Variants in SCAPER observed in about 807,000 individuals in gnomAD.
The protein encoded by SCAPER is S phase cyclin A-associated protein in the endoplasmic reticulum.
SCAPER carries 98 observed loss-of-function variants against 182.2 expected under a neutral mutation model. The ratio of observed to expected loss-of-function variants is 0.54; its 90% CI spans 0.46 to 0.64. SCAPER has a LOEUF of 0.64. Among genes scored for constraint, SCAPER ranks in the 30% least tolerant of loss-of-function variants. SCAPER has a pLI of 0.00. For synonymous variants in SCAPER, 605 were observed against 564.6 expected (o/e 1.07, Z -1.01); for missense variants, 1,432 against 1,690.0 (o/e 0.85, Z 2.68).
At chr15:76,684,927 T>A (rs2057941768) in intron 20 of SCAPER, among the ~76,000 whole-genome samples, 1 of 151,842 alleles carries the variant, frequency 6.6e-6, no homozygotes, top group African/African-American at 2.4e-5. Context: ...ATAATCCTGA[T>A]AACCAAAGAT....
At chr15:76,683,088 A>G (rs1425714156) in intron 20 of SCAPER, among the ~76,000 whole-genome samples, 2 of 152,200 alleles carry the variant, frequency 1.3e-5, no homozygotes, top group Non-Finnish European at 2.9e-5. Context: ...AGAATTCAGA[A>G]TATGGATAGG....
intron 24 of SCAPER, among the ~76,000 whole-genome samples, chr15:76,478,180 T>C (rs2050812375): frequency 6.6e-6 from 1 of 151,812 alleles, no homozygotes. Flanking sequence ...TTATTTTTCT[T>C]CAAAATAAAG....
intron 21 of SCAPER, among the ~76,000 whole-genome samples, chr15:76,655,228 A>T (rs984059957): frequency 6.6e-6 from 1 of 152,218 alleles, no homozygotes; most frequent in Non-Finnish European, 1.5e-5. Context: ...ACAGGCAAAA[A>T]ACTCACTTTG....
At chr15:76,828,098 G>A (rs1431404854) in intron 5 of SCAPER, among the ~76,000 whole-genome samples, 1 of 152,148 alleles carries the variant, frequency 6.6e-6, no homozygotes, top group East Asian at 1.9e-4. Flanking sequence ...ACCATGTGAT[G>A]TCCTATGTTG....
At chr15:76,644,438 CTAACATGA>C (rs1370233798) in intron 21 of SCAPER, among the ~76,000 whole-genome samples, 1 of 151,976 alleles carries the variant, frequency 6.6e-6, no homozygotes, top group African/African-American at 2.4e-5. Flanking sequence ...CTTTTCATTT[CTAACATGA>C]TAAATGTTAA....
intron 17 of SCAPER, among the ~76,000 whole-genome samples, chr15:76,721,211 G>A (rs1296543889): frequency 1.3e-5 from 2 of 152,094 alleles, no homozygotes; most frequent in Non-Finnish European, 2.9e-5. Flanking sequence ...CTTTTTCTCA[G>A]GTTTGTCAAA....
At chr15:76,520,350 TG>T (rs763595642) in intron 23 of SCAPER, among the ~76,000 whole-genome samples, 18 of 152,182 alleles carry the variant, frequency 1.2e-4, no homozygotes, top group Non-Finnish European at 1.9e-4. Flanking sequence ...TTCGAGTAGC[TG>T]GGACTACAGG....
At chr15:76,808,350 T>A (rs1315263425) in intron 5 of SCAPER, among the ~76,000 whole-genome samples, 1 of 152,168 alleles carries the variant, frequency 6.6e-6, no homozygotes, top group Non-Finnish European at 1.5e-5. Flanking sequence ...AAACTAGGTT[T>A]GCAGATTTTC....
In SCAPER at chr15:76,413,156, C is replaced by T. The variant is rs147791005; in HGVS notation, c.3312-8477G>A. On this transcript the variant is annotated intron_variant, in intron 26 of 31. Coordinates refer to ENST00000563290, the MANE Select transcript of SCAPER (RefSeq NM_020843.4). Reference sequence around the variant, plus strand: ...TTGGTAGATTACATAGTTTTCTATACGTGCAATCATGAGACTGCAAATAAT... The same window carrying T: ...TTGGTAGATTACATAGTTTTCTATATGTGCAATCATGAGACTGCAAATAAT... Among the ~76,000 whole-genome samples the T allele has an allele frequency of 3.4e-3, 510 of 152,156 alleles. 6 individuals are homozygous for T. Among genetic ancestry groups the T allele is most frequent in the African/African-American group, 0.012 (480 of 41,514 alleles).
At chr15:76,722,935 C>A (rs987514255) in intron 17 of SCAPER, among the ~76,000 whole-genome samples, 3 of 151,938 alleles carry the variant, frequency 2.0e-5, no homozygotes, top group African/African-American at 7.3e-5. Context: ...TCCTTCAGTT[C>A]TGCTCTGATC....
chr15:76,578,357 A>G lies in SCAPER; in HGVS notation c.2712-4073T>C, dbSNP rs147153169. Among the ~76,000 whole-genome samples the G allele has an allele frequency of 3.6e-3, 547 of 152,278 alleles. 6 individuals are homozygous for G. Among genetic ancestry groups the G allele is most frequent in the Admixed American group, 0.016 (246 of 15,308 alleles). On this transcript the variant is annotated intron_variant, in intron 22 of 31. Transcript: ENST00000563290. ...CTGAGCCCTAGGGGGACTTGAGCAA[A>G]CAAAGGTGGTAGCCAGGCAGTGGTT...
intron 5 of SCAPER, among the ~76,000 whole-genome samples, chr15:76,833,621 T>C (rs1325275245): frequency 2.6e-5 from 4 of 152,026 alleles, no homozygotes; most frequent in Non-Finnish European, 5.9e-5. Context: ...AAAAGACGCA[T>C]CTCACATGCA....
chr15:76,827,601 C>T (rs1386207546), intron 5 of SCAPER, among the ~76,000 whole-genome samples: 2 of 151,706 alleles, frequency 1.3e-5, no homozygotes, highest in Admixed American at 6.6e-5. Flanking sequence ...AACACTTCAT[C>T]GGAGAGTAAT....
intron 23 of SCAPER, among the ~76,000 whole-genome samples, chr15:76,556,292 C>T (rs984367326): frequency 5.3e-5 from 8 of 152,080 alleles, no homozygotes; most frequent in Admixed American, 3.9e-4. Context: ...AAGTTTATAG[C>T]GTTAACCTAC....
At chr15:76,431,338 T>A (rs1252764655) in intron 26 of SCAPER, among the ~76,000 whole-genome samples, 2 of 152,194 alleles carry the variant, frequency 1.3e-5, no homozygotes, top group Non-Finnish European at 2.9e-5. Flanking sequence ...TGGGTGGCCA[T>A]ACTTTGAATT....
At chr15:76,784,992 A>G (rs1474333313) in intron 8 of SCAPER, among the ~76,000 whole-genome samples, 38 of 152,218 alleles carry the variant, frequency 2.5e-4, no homozygotes, top group Admixed American at 2.5e-3. Flanking sequence ...TGACTAAAAC[A>G]CCAAAAGCAA....
At chr15:76,505,608 G>C (rs962789991) in intron 23 of SCAPER, among the ~76,000 whole-genome samples, 5 of 152,140 alleles carry the variant, frequency 3.3e-5, no homozygotes, top group African/African-American at 1.2e-4. Context: ...ATGCTGGTGA[G>C]GATGTGGAGA....
intron 10 of SCAPER, 58 bp from the exon 11 acceptor site, chr15:76,767,146 T>G: frequency 1.4e-6 from 2 of 1,416,940 alleles, no homozygotes; most frequent in Non-Finnish European, 1.9e-6. Flanking sequence ...TGGAAAGTAA[T>G]CATTTTTTAT....
chr15:76,412,199 G>A (rs2045337219), intron 26 of SCAPER, among the ~76,000 whole-genome samples: 1 of 152,104 alleles, frequency 6.6e-6, no homozygotes, highest in African/African-American at 2.4e-5. Flanking sequence ...CTGACGAGAG[G>A]TTGCTAGAGG....
Sources: gnomAD v4.1 joint callset for allele counts (sites outside exome capture counted in the v4.1 genomes callset) on GRCh38, gnomAD v4.1.1 for gene constraint, MANE v1.5 for transcripts, NCBI Gene and HGNC (gene_info 2026-07-23, HGNC 2026-07-21) for gene names.